Variants in MDGA2 observed in about 807,000 individuals in gnomAD.
The protein encoded by MDGA2 is MAM domain containing glycosylphosphatidylinositol anchor 2.
Under a neutral mutation model 117.8 loss-of-function variants are expected in MDGA2, and 40 were observed. The ratio of observed to expected loss-of-function variants is 0.34; its 90% CI spans 0.26 to 0.44. The LOEUF (loss-of-function observed/expected upper bound fraction) is 0.44, where lower values mean the gene tolerates loss of function less well. Ranked by LOEUF, MDGA2 falls within the 20% of genes least tolerant of loss-of-function variation. The probability of loss-of-function intolerance (pLI) is 1.00; values close to 1 mark genes in which losing one functional copy is unlikely to be tolerated. For missense variants in MDGA2, 1,123 were observed against 1,250.6 expected (o/e 0.90, Z 1.54); for synonymous variants, 452 against 439.0 (o/e 1.03, Z -0.37).
chr14:46,950,976 A>G (rs573768833), intron 9 of MDGA2, among the ~76,000 whole-genome samples: 1 of 152,024 alleles, frequency 6.6e-6, no homozygotes, highest in South Asian at 2.1e-4. Flanking sequence ...AAGAAATGCT[A>G]TATTCCTTTA....
chr14:47,352,510 A>G (rs541846937), intron 1 of MDGA2, among the ~76,000 whole-genome samples: 1 of 152,194 alleles, frequency 6.6e-6, no homozygotes, highest in East Asian at 1.9e-4. Context: ...AAAAAGCTTT[A>G]TTGCTCACAC....
chr14:46,959,259 G>A (rs1384104105), intron 8 of MDGA2, among the ~76,000 whole-genome samples: 1,480 of 50,556 alleles, frequency 0.029, 23 homozygotes, highest in African/African-American at 0.24. Context: ...ATATGTGTGT[G>A]TGTGTGTGTG....
chr14:47,183,541 T>G (rs1296055244), intron 3 of MDGA2, among the ~76,000 whole-genome samples: 1 of 152,122 alleles, frequency 6.6e-6, no homozygotes, highest in African/African-American at 2.4e-5. Context: ...TACTCTTTCA[T>G]TTTAGTGTGC....
rs1311528984 is a variant in MDGA2 at position 47,035,035 on chromosome 14, C to T, written c.1795G>A (p.Ala599Thr). ...YNGFNVKPRE[A>T]LVQLIVQYPP... is the part of the protein sequence containing the mutation. ...CACTGAACGATGAGCTGCACCAAGG[C>T]TTCCCTTGGTTTCACGTTAAATCCA... Residue 599 changes from alanine to threonine, a missense_variant, in exon 8 of 17, where the codon GCC (alanine) becomes ACC (threonine). By Grantham distance (58) the Ala-to-Thr change is moderately conservative (BLOSUM62 0). This residue lies in a region of MDGA2 where 890 missense variants were observed against 1,050.3 expected (regional missense o/e 0.85). Coordinates refer to ENST00000399232, the MANE Select transcript of MDGA2 (RefSeq NM_001113498.3). 6.2e-7 allele frequency: 1 copy of T among 1,613,720 alleles called. No individual in the cohort carries two copies. Among genetic ancestry groups the T allele is most frequent in the Non-Finnish European group, 8.5e-7 (1 of 1,179,760 alleles).
intron 1 of MDGA2, among the ~76,000 whole-genome samples, chr14:47,666,324 A>G (rs1382244322): frequency 1.3e-5 from 2 of 152,036 alleles, no homozygotes; most frequent in East Asian, 1.9e-4. Context: ...AAATGCACCA[A>G]TCTGCGCTCT....
chr14:47,284,185 A>G lies in MDGA2; in HGVS notation c.420+17226T>C, dbSNP rs575769808. ...AAGCACCCATCCCAAATAACTTAAA[A>G]GAGACTATCCTCAGAGAGGGCAGTT... On this transcript the variant is annotated intron_variant, in intron 2 of 16. Coordinates refer to ENST00000399232, the MANE Select transcript of MDGA2 (RefSeq NM_001113498.3). Among the ~76,000 whole-genome samples the G allele has an allele frequency of 9.8e-5, 15 of 152,356 alleles. No homozygotes were observed. The East Asian group carries it at 2.3e-3, about 23-fold the overall frequency.
At chr14:46,847,755 T>G (rs2138277543) in intron 15 of MDGA2, among the ~76,000 whole-genome samples, 1 of 152,192 alleles carries the variant, frequency 6.6e-6, no homozygotes, top group East Asian at 1.9e-4. Context: ...ACATTAAAAC[T>G]ATTGTCTCCT....
intron 2 of MDGA2, among the ~76,000 whole-genome samples, chr14:47,279,407 A>G (rs1259535916): frequency 1.3e-5 from 2 of 152,086 alleles, no homozygotes; most frequent in Non-Finnish European, 2.9e-5. Flanking sequence ...TTTCTCTTGC[A>G]CTGTACTTTT....
intron 1 of MDGA2, among the ~76,000 whole-genome samples, chr14:47,370,716 G>A (rs1891337507): frequency 6.6e-6 from 1 of 151,038 alleles, no homozygotes; most frequent in African/African-American, 2.4e-5. Context: ...TGCTCTGTCA[G>A]TATCCTCTCT....
intron 1 of MDGA2, among the ~76,000 whole-genome samples, chr14:47,347,798 TATGTAAAAATGGAC>T (rs1890791641): frequency 6.6e-6 from 1 of 152,168 alleles, no homozygotes; most frequent in Non-Finnish European, 1.5e-5. Flanking sequence ...CGATGTCCAA[TATGTAAAAATGGAC>T]AAATTCCACA....
At chr14:47,472,246 A>G (rs1893743479) in intron 1 of MDGA2, among the ~76,000 whole-genome samples, 1 of 152,178 alleles carries the variant, frequency 6.6e-6, no homozygotes, top group Admixed American at 6.5e-5. Flanking sequence ...GATTAATGAC[A>G]GGGACACATT....
intron 10 of MDGA2, among the ~76,000 whole-genome samples, chr14:46,900,159 A>T (rs1239850931): frequency 6.6e-6 from 1 of 152,180 alleles, no homozygotes; most frequent in Admixed American, 6.5e-5. Context: ...AACTAAATAG[A>T]TATGACTACA....
intron 9 of MDGA2, among the ~76,000 whole-genome samples, chr14:46,938,332 A>G (rs1029417362): frequency 6.6e-6 from 1 of 151,806 alleles, no homozygotes; most frequent in Non-Finnish European, 1.5e-5. Flanking sequence ...TGAGGTCAGG[A>G]GTTCAAGACC....
chr14:47,217,437 C>T (rs531475934), intron 3 of MDGA2, among the ~76,000 whole-genome samples: 1 of 151,790 alleles, frequency 6.6e-6, no homozygotes, highest in East Asian at 1.9e-4. Context: ...GAAAATGAGA[C>T]TAAGAACAAA....
chr14:46,966,197 G>C (rs1429238464), intron 8 of MDGA2, among the ~76,000 whole-genome samples: 3 of 151,952 alleles, frequency 2.0e-5, no homozygotes, highest in Admixed American at 6.6e-5. Flanking sequence ...ATTTATAGAA[G>C]AAAAAGAAAA....
intron 2 of MDGA2, among the ~76,000 whole-genome samples, chr14:47,265,310 G>A (rs1156739296): frequency 2.6e-5 from 4 of 152,018 alleles, no homozygotes; most frequent in East Asian, 1.9e-4. Context: ...TTGTAACACC[G>A]TGTCATTTAA....
In MDGA2 at chr14:47,397,906, C is replaced by T. The variant is rs371058474; in HGVS notation, c.281-96356G>A. ...TGCATTTGCCTCACCTTTTTAGATACCTCAAGAATTAGAAACATCTGGTGA... is the reference window on the plus strand; with the variant it reads ...TGCATTTGCCTCACCTTTTTAGATATCTCAAGAATTAGAAACATCTGGTGA... On this transcript the variant is annotated intron_variant, in intron 1 of 16. Coordinates refer to ENST00000399232, the MANE Select transcript of MDGA2 (RefSeq NM_001113498.3). Among the ~76,000 whole-genome samples, 18 of 152,180 alleles carry T rather than the reference C, an allele frequency of 1.2e-4. No individual in the cohort carries two copies. The South Asian group carries it at 3.7e-3, about 32-fold the overall frequency.
At chr14:47,519,245 C>G (rs947710194) in intron 1 of MDGA2, among the ~76,000 whole-genome samples, 5 of 151,996 alleles carry the variant, frequency 3.3e-5, no homozygotes, top group Non-Finnish European at 7.4e-5. Context: ...AAAACACTAC[C>G]AATTAAAATA....
intron 1 of MDGA2, among the ~76,000 whole-genome samples, chr14:47,397,746 CACAT>C (rs1892045771): frequency 6.6e-6 from 1 of 151,968 alleles, no homozygotes; most frequent in Non-Finnish European, 1.5e-5. Flanking sequence ...CATGTAAACA[CACAT>C]ACAGAGATAC....
Sources: gnomAD v4.1 joint callset for allele counts (sites outside exome capture counted in the v4.1 genomes callset) on GRCh38, gnomAD v4.1.1 for gene constraint, gnomAD v4.1.1 regional missense constraint, MANE v1.5 for transcripts, NCBI Gene and HGNC (gene_info 2026-07-23, HGNC 2026-07-21) for gene names.